Variants in ZFYVE28 observed in about 807,000 individuals in gnomAD.
ZFYVE28 encodes the protein lateral signaling target protein 2 homolog.
In ZFYVE28, 40 loss-of-function variants were observed where a neutral mutation model predicts 82.1. The observed-to-expected ratio is 0.49, with a 90% CI of 0.38 to 0.63. ZFYVE28 has a LOEUF of 0.63. ZFYVE28 is among the 30% of genes least tolerant of loss of function. The probability of loss-of-function intolerance (pLI) is 0.00; values close to 1 mark genes in which losing one functional copy is unlikely to be tolerated. For synonymous variants in ZFYVE28, 612 were observed against 546.1 expected (o/e 1.12, Z -1.68); for missense variants, 1,321 against 1,242.1 (o/e 1.06, Z -0.96).
intron 1 of ZFYVE28, among the ~76,000 whole-genome samples, chr4:2,356,414 AGTTGGTGTGCCCGCCCCCTCCCCGGCC>A (rs1411218958): frequency 2.3e-5 from 2 of 88,772 alleles, no homozygotes; most frequent in East Asian, 7.0e-4. Context: ...CCCCCCCGGC[AGTTGGTGTGCCCGCCCCCTCCCCGGCC>A]GTTGATGTGC....
intron 2 of ZFYVE28, among the ~76,000 whole-genome samples, chr4:2,345,836 G>A (rs1230913528): frequency 1.3e-5 from 2 of 151,814 alleles, no homozygotes; most frequent in Non-Finnish European, 2.9e-5. Flanking sequence ...GACAAAAATG[G>A]CATTAGATTT....
chr4:2,369,891 A>C (rs1341250790), intron 1 of ZFYVE28, among the ~76,000 whole-genome samples: 1 of 127,004 alleles, frequency 7.9e-6, no homozygotes, highest in East Asian at 2.2e-4. Flanking sequence ...TCGCTCTGTC[A>C]CCAGGCTGGA....
At chr4:2,345,017 C>T (rs1723332104) in intron 2 of ZFYVE28, among the ~76,000 whole-genome samples, 1 of 151,940 alleles carries the variant, frequency 6.6e-6, no homozygotes, top group Non-Finnish European at 1.5e-5. Flanking sequence ...TGAGACCATC[C>T]TGGCTAACAC....
intron 8 of ZFYVE28, among the ~76,000 whole-genome samples, chr4:2,292,015 G>A (rs528175315): frequency 3.3e-4 from 50 of 152,162 alleles, no homozygotes; most frequent in Non-Finnish European, 6.3e-4. Context: ...AGCCCTCAGT[G>A]CCACCTCCTT....
In ZFYVE28 at chr4:2,341,475, T is replaced by G; in HGVS notation, c.318+3A>C. ...CCTCCGAACCCGGGTGGCCACCCGCTACCTCGGCACCGAACCACAGCTGGC... is the reference window on the plus strand; with the variant it reads ...CCTCCGAACCCGGGTGGCCACCCGCGACCTCGGCACCGAACCACAGCTGGC... On this transcript the variant is annotated splice_donor_region_variant and intron_variant, in intron 3 of 12. Transcript: ENST00000290974. This position sits in a 1 kb window ranked among gnomAD's most constrained non-coding sequence, Gnocchi z 4.5. 2.3e-4 allele frequency: 366 copies of G among 1,570,348 alleles called. No homozygotes were observed. Among genetic ancestry groups the G allele is most frequent in the East Asian group, 1.1e-3 (47 of 42,572 alleles).
chr4:2,322,013 G>A (rs189340027), intron 6 of ZFYVE28, among the ~76,000 whole-genome samples: 79 of 152,324 alleles, frequency 5.2e-4, no homozygotes, highest in Non-Finnish European at 4.6e-4. Flanking sequence ...AGCCTGCGGG[G>A]ACCCAAGACC....
chr4:2,409,187 G>A lies in ZFYVE28; in HGVS notation c.39+9098C>T, dbSNP rs1258127184. Among the ~76,000 whole-genome samples the A allele has an allele frequency of 6.8e-6, 1 of 147,924 alleles. No individual in the cohort carries two copies. The highest frequency in any genetic ancestry group is 6.8e-5 in the Admixed American group (1 of 14,748). On this transcript the variant is annotated intron_variant, in intron 1 of 12. Transcript: ENST00000290974. The surrounding 1 kb of genome is among the most constrained non-coding windows in gnomAD (Gnocchi z 4.4). ...CCCCATCTCCACCCTCCACCTCGCA[G>A]CTCCTCTCCTGAGCTCCCCATCCCC... is the stretch of plus-strand genomic sequence containing the variant.
intron 7 of ZFYVE28, among the ~76,000 whole-genome samples, chr4:2,317,622 C>G (rs1718423387): frequency 1.3e-5 from 2 of 152,008 alleles, no homozygotes; most frequent in African/African-American, 2.4e-5. Flanking sequence ...GTGCTCACGG[C>G]ATGCTTTTTG....
chr4:2,310,371 T>C (rs1717307093), intron 7 of ZFYVE28, among the ~76,000 whole-genome samples: 1 of 152,232 alleles, frequency 6.6e-6, no homozygotes, highest in African/African-American at 2.4e-5. Flanking sequence ...ATCTTATTTA[T>C]ATATGGTTGA....
At chr4:2,399,103 A>AGCGTGGAGGTGAGATCCAGGGCACAG (rs1304212409) in intron 1 of ZFYVE28, among the ~76,000 whole-genome samples, 4 of 14,274 alleles carry the variant, frequency 2.8e-4, no homozygotes, top group East Asian at 2.1e-3. Context: ...CCAGGGCACA[A>AGCGTGGAGGTGAGATCCAGGGCACAG]GCTGGGGCAA....
chr4:2,285,031 G>C (rs115351086), intron 8 of ZFYVE28, among the ~76,000 whole-genome samples: 1,769 of 152,346 alleles, frequency 0.012, 41 homozygotes, highest in African/African-American at 0.04. Context: ...TGTAACTAAA[G>C]TTAAGATAAG....
chr4:2,295,089 A>T (rs957039782), intron 8 of ZFYVE28, among the ~76,000 whole-genome samples: 3 of 152,282 alleles, frequency 2.0e-5, no homozygotes, highest in African/African-American at 4.8e-5. Context: ...ACAAGGACAC[A>T]GAGGAACTGA....
At chr4:2,379,317 G>A (rs181520949) in intron 1 of ZFYVE28, among the ~76,000 whole-genome samples, 58 of 152,332 alleles carry the variant, frequency 3.8e-4, no homozygotes, top group African/African-American at 1.4e-3. Context: ...TCAGACCCGG[G>A]AGCAGGTGGG....
chr4:2,330,415 C>G (rs1720483298), intron 6 of ZFYVE28: 1 of 1,043,246 alleles, frequency 9.6e-7, no homozygotes, highest in Admixed American at 5.0e-5. Context: ...GAGAGGACAG[C>G]ACGGAAGAGG....
chr4:2,409,393 C>T lies in ZFYVE28; in HGVS notation c.39+8892G>A, dbSNP rs1732273817. ...AGGACCCCGCAAACAGCAGTGCTGA[C>T]CCCATCATGCCCCCACCTTCCTTGC... On this transcript the variant is annotated intron_variant, in intron 1 of 12. Transcript: ENST00000290974. This position sits in a 1 kb window ranked among gnomAD's most constrained non-coding sequence, Gnocchi z 4.4. 6.6e-6 allele frequency among the ~76,000 whole-genome samples: 1 copy of T among 152,150 alleles called. No individual in the cohort carries two copies. The highest frequency in any genetic ancestry group is 6.5e-5 in the Admixed American group (1 of 15,280).
chr4:2,343,108 G>A (rs774296692), intron 2 of ZFYVE28: 40 of 152,154 alleles, frequency 2.6e-4, no homozygotes, highest in Non-Finnish European at 4.6e-4. Flanking sequence ...GGACACTGAC[G>A]ATGTGCCTAA....
chr4:2,391,476 T>TTTA (rs56118737), intron 1 of ZFYVE28, among the ~76,000 whole-genome samples: 5 of 150,294 alleles, frequency 3.3e-5, no homozygotes, highest in Non-Finnish European at 5.9e-5. Flanking sequence ...TTTTTTTTTT[T>TTTA]ACTGTGGTAA....
Position 2,320,648 on chromosome 4 carries a change from C to G in ZFYVE28, c.702-377G>C, listed in dbSNP as rs1180761979. On this transcript the variant is annotated intron_variant, in intron 6 of 12. Coordinates refer to ENST00000290974, the MANE Select transcript of ZFYVE28 (RefSeq NM_020972.3). The surrounding 1 kb of genome is among the most constrained non-coding windows in gnomAD (Gnocchi z 5.1). ...AAACTGGATTTGTGGTTAAATTTAT[C>G]TGCAGAGCTTTATGAGAACTGGACC... Among the ~76,000 whole-genome samples the G allele has an allele frequency of 6.6e-6, 1 of 152,216 alleles. No individual in the cohort carries two copies. Among genetic ancestry groups the G allele is most frequent in the African/African-American group, 2.4e-5 (1 of 41,450 alleles).
chr4:2,365,377 A>G (rs1298696291), intron 1 of ZFYVE28, among the ~76,000 whole-genome samples: 2 of 151,828 alleles, frequency 1.3e-5, no homozygotes, highest in Non-Finnish European at 2.9e-5. Flanking sequence ...GTCCCCCCCA[A>G]CTACCTGCAC....
Sources: allele counts gnomAD v4.1 joint callset (sites outside exome capture counted in the v4.1 genomes callset), GRCh38; gene constraint gnomAD v4.1.1; non-coding constraint Gnocchi (gnomAD v3.1); transcripts MANE v1.5; gene names NCBI Gene and HGNC (gene_info 2026-07-23, HGNC 2026-07-21).